TPP2: variants seen among roughly 807,000 people sequenced by gnomAD.
The protein encoded by TPP2 is tripeptidyl peptidase 2, also known as tripeptidyl-peptidase 2.
In TPP2, 34 loss-of-function variants were observed where a neutral mutation model predicts 155.9. The ratio of observed to expected loss-of-function variants is 0.22; its 90% CI spans 0.17 to 0.29. The LOEUF is 0.29. Among genes scored for constraint, TPP2 ranks in the 10% least tolerant of loss-of-function variants. TPP2 has a pLI of 1.00. For missense variants in TPP2, 1,028 were observed against 1,522.3 expected, an observed-to-expected ratio of 0.68 and a Z score of 5.40; for synonymous variants, 510 against 529.4, an observed-to-expected ratio of 0.96 and a Z score of 0.50.
At chr13:102,613,909 A>G (rs978965375) in intron 2 of TPP2, among the ~76,000 whole-genome samples, 192 bp from the exon 3 acceptor site, 1 of 152,230 alleles carries the variant, frequency 6.6e-6, no homozygotes, top group African/African-American at 2.4e-5. Context: ...TGAATTATTT[A>G]TGGATGAGAA....
intron 3 of TPP2, among the ~76,000 whole-genome samples, chr13:102,616,120 C>G (rs1232597940): frequency 6.6e-6 from 1 of 152,056 alleles, no homozygotes; most frequent in Non-Finnish European, 1.5e-5. Flanking sequence ...CCCCACCTGG[C>G]TAATTTTTGT....
chr13:102,661,328 G>C (rs546202265), intron 25 of TPP2, among the ~76,000 whole-genome samples: 9 of 142,254 alleles, frequency 6.3e-5, no homozygotes, highest in African/African-American at 2.4e-4. Flanking sequence ...ATAGCTCACT[G>C]CAGCCTTGAA....
chr13:102,631,276 C>T (rs562545069), intron 10 of TPP2: 18 of 152,310 alleles, frequency 1.2e-4, no homozygotes, highest in African/African-American at 4.3e-4. Flanking sequence ...CTCATTTTCT[C>T]TAGGTGGTTT....
intron 25 of TPP2, 79 bp downstream of exon 25, chr13:102,657,286 A>G: frequency 2.5e-6 from 3 of 1,180,626 alleles, no homozygotes; most frequent in Middle Eastern, 3.2e-4. Context: ...GTATATATAC[A>G]TAGACCGTAT....
chr13:102,669,038 C>T (rs1456266451), intron 27 of TPP2, among the ~76,000 whole-genome samples: 1 of 152,196 alleles, frequency 6.6e-6, no homozygotes, highest in African/African-American at 2.4e-5. Context: ...GGTGTGAACA[C>T]AAGCATGTCT....
chr13:102,642,158 T>A (rs1882811717), intron 16 of TPP2, among the ~76,000 whole-genome samples: 1 of 152,160 alleles, frequency 6.6e-6, no homozygotes, highest in Admixed American at 6.5e-5. Flanking sequence ...ATTAGGGATT[T>A]TATAGTACTT....
chr13:102,609,392 CTTTT>C (rs34845674), intron 2 of TPP2, among the ~76,000 whole-genome samples: 1 of 79,840 alleles, frequency 1.3e-5, no homozygotes, highest in Non-Finnish European at 2.2e-5. Flanking sequence ...AAGTGCCATG[CTTTT>C]TTTTTTTTTT....
At chr13:102,676,551 A>AAC in intron 29 of TPP2, 136 bp downstream of exon 29, 1 of 1,060,530 alleles carries the variant, frequency 9.4e-7, no homozygotes, top group Non-Finnish European at 1.3e-6. Context: ...TTAGCGTAAT[A>AAC]TGAACTATAG....
At position 102,621,381 on chromosome 13, in the gene TPP2, C is replaced by T. The variant is rs181536810; in HGVS notation, c.621-1496C>T. 9.2e-5 allele frequency among the ~76,000 whole-genome samples: 14 copies of T among 152,160 alleles called. No individual in the cohort carries two copies. The East Asian group carries it at 1.4e-3, about 15-fold the overall frequency. On this transcript the variant is annotated intron_variant, in intron 5 of 29. Transcript: ENST00000376052. ...ATTCCATGGAAGCAAGTGTTGGGAA[C>T]GTCTGAACCAGTCTAGGAAGAATCG...
chr13:102,597,882 G>T (rs1210851941), intron 1 of TPP2, among the ~76,000 whole-genome samples: 1 of 152,094 alleles, frequency 6.6e-6, no homozygotes, highest in Non-Finnish European at 1.5e-5. Flanking sequence ...GTTTGCTTAG[G>T]GTCATTGAAT....
At chr13:102,673,424 G>A (rs928222362) in intron 27 of TPP2, among the ~76,000 whole-genome samples, 1 of 152,162 alleles carries the variant, frequency 6.6e-6, no homozygotes. Context: ...ACGTGTATCT[G>A]ACATAAGTTG....
intron 6 of TPP2, among the ~76,000 whole-genome samples, chr13:102,626,412 TGTG>T (rs1164749286): frequency 2.6e-5 from 4 of 152,346 alleles, no homozygotes; most frequent in Non-Finnish European, 4.4e-5. Flanking sequence ...TAATGAATCT[TGTG>T]GTGGTTTTTA....
intron 20 of TPP2, 48 bp from the exon 21 acceptor site, chr13:102,647,159 G>T: frequency 6.6e-7 from 1 of 1,512,364 alleles, no homozygotes. Flanking sequence ...ATTTGTATCA[G>T]AAATTATATG....
intron 27 of TPP2, among the ~76,000 whole-genome samples, chr13:102,668,903 G>C (rs895947968): frequency 6.6e-6 from 1 of 152,172 alleles, no homozygotes; most frequent in Non-Finnish European, 1.5e-5. Flanking sequence ...GTCTGAAGAA[G>C]CTGCATCATC....
At chr13:102,642,547 C>T (rs192116477) in intron 16 of TPP2, among the ~76,000 whole-genome samples, 33 of 152,156 alleles carry the variant, frequency 2.2e-4, no homozygotes, top group Admixed American at 1.6e-3. Flanking sequence ...ATTTTGTATT[C>T]TTAGCAACTG....
At chr13:102,597,236 G>A (rs1879024381) in intron 1 of TPP2, 33 bp downstream of exon 1, 4 of 1,284,246 alleles carry the variant, frequency 3.1e-6, no homozygotes, top group Non-Finnish European at 4.0e-6. Flanking sequence ...GGGCGCGGGG[G>A]CGCGGGCGGC....
At chr13:102,638,186 CT>C in intron 14 of TPP2, 52 bp from the exon 15 acceptor site, 1 of 1,531,910 alleles carries the variant, frequency 6.5e-7, no homozygotes, top group African/African-American at 1.4e-5. Context: ...CCTTCCCCCG[CT>C]CTTTTAAACA....
chr13:102,655,456 A>G (rs1883794010), intron 24 of TPP2, among the ~76,000 whole-genome samples: 1 of 152,208 alleles, frequency 6.6e-6, no homozygotes, highest in South Asian at 2.1e-4. Flanking sequence ...TGAAGATAGA[A>G]TTTGAGGAAC....
chr13:102,651,476 C>T, intron 24 of TPP2, 79 bp downstream of exon 24: 3 of 1,437,922 alleles, frequency 2.1e-6, no homozygotes, highest in Non-Finnish European at 2.8e-6. Context: ...CTATTATAAA[C>T]CTTTTTTTTA....
Sources: gnomAD v4.1 joint callset for allele counts (sites outside exome capture counted in the v4.1 genomes callset) on GRCh38, gnomAD v4.1.1 for gene constraint, MANE v1.5 for transcripts, NCBI Gene and HGNC (gene_info 2026-07-23, HGNC 2026-07-21) for gene names.